The following RTN4RL1 variants were observed in gnomAD, a reference collection of about 807,000 sequenced individuals.
RTN4RL1 encodes reticulon-4 receptor-like 1.
In RTN4RL1, 7 loss-of-function variants were observed where a neutral mutation model predicts 25.6. That is an observed-to-expected ratio of 0.27 (90% CI 0.16 to 0.51). The LOEUF (loss-of-function observed/expected upper bound fraction) is 0.51. RTN4RL1 is among the 20% of genes least tolerant of loss of function. RTN4RL1 has a pLI of 0.97. For missense variants in RTN4RL1, 500 were observed against 615.6 expected (o/e 0.81, Z 1.99); for synonymous variants, 297 against 288.2 (o/e 1.03, Z -0.31).
intron 1 of RTN4RL1, among the ~76,000 whole-genome samples, chr17:1,988,690 T>A (rs2066897587): frequency 6.6e-6 from 1 of 152,106 alleles, no homozygotes; most frequent in Non-Finnish European, 1.5e-5. Context: ...GGATGCTGGA[T>A]GCTGTAGGCA....
chr17:2,024,717 G>A lies in RTN4RL1; in HGVS notation c.13+136C>T. ...GAGCCCCAGCAGCAGCCCCTCGGCG[G>A]GTGCGCCCGGCAAAACCCACCAGCC... On this transcript the variant is annotated intron_variant, in intron 1 of 1. Coordinates refer to ENST00000331238, the MANE Select transcript of RTN4RL1 (RefSeq NM_178568.4). The A allele has an allele frequency of 3.9e-6, 3 of 773,354 alleles. No individual in the cohort carries two copies. The South Asian group carries it at 5.7e-5, about 15-fold the overall frequency. 47.9% of individuals were successfully genotyped at this position (773,354 alleles called of 1,614,324 possible).
intron 1 of RTN4RL1, among the ~76,000 whole-genome samples, chr17:1,979,907 C>G (rs994767882): frequency 3.3e-5 from 5 of 152,180 alleles, no homozygotes; most frequent in African/African-American, 1.2e-4. Context: ...AATCTCTGTT[C>G]TTCAGGCAAA....
intron 1 of RTN4RL1, chr17:2,020,247 A>G (rs1016849613): frequency 2.0e-5 from 3 of 152,156 alleles, no homozygotes; most frequent in African/African-American, 7.2e-5. Context: ...GGGTTCTTCT[A>G]TCTCCCCTCT....
intron 1 of RTN4RL1, among the ~76,000 whole-genome samples, chr17:1,954,723 A>G (rs747637694): frequency 3.9e-5 from 6 of 152,106 alleles, no homozygotes; most frequent in Non-Finnish European, 8.8e-5. Context: ...CCAGAGGCGC[A>G]GCACTGCTGC....
intron 1 of RTN4RL1, among the ~76,000 whole-genome samples, chr17:1,976,988 G>A (rs2066845169): frequency 6.6e-6 from 1 of 152,126 alleles, no homozygotes; most frequent in South Asian, 2.1e-4. Flanking sequence ...TGCTTATTTT[G>A]TTACCATTGT....
rs111452904 is a variant in RTN4RL1 at position 1,938,913 on chromosome 17, G to C, written c.14-1105C>G. ...TAAAAACACAAAAATTAGCCGGGTG[G>C]CTACTCAGGAGGCTCAGTAGTACTC... On this transcript the variant is annotated intron_variant, in intron 1 of 1. Transcript: ENST00000331238. 2.0e-5 allele frequency among the ~76,000 whole-genome samples: 3 copies of C among 151,780 alleles called. 1 individual carries two copies. Among genetic ancestry groups the C allele is most frequent in the Admixed American group, 6.6e-5 (1 of 15,218 alleles).
chr17:1,975,810 A>G (rs1173364275), intron 1 of RTN4RL1, among the ~76,000 whole-genome samples: 1 of 152,178 alleles, frequency 6.6e-6, no homozygotes, highest in East Asian at 1.9e-4. Context: ...ATTCTGACAC[A>G]GTTTCTTTCA....
intron 1 of RTN4RL1, among the ~76,000 whole-genome samples, chr17:1,959,861 C>T (rs996221169): frequency 6.6e-6 from 1 of 152,204 alleles, no homozygotes; most frequent in African/African-American, 2.4e-5. Flanking sequence ...CCGCGCCCAG[C>T]CAGGCTCAGG....
At chr17:2,017,544 G>A (rs371129838) in intron 1 of RTN4RL1, among the ~76,000 whole-genome samples, 41 of 152,350 alleles carry the variant, frequency 2.7e-4, no homozygotes, top group African/African-American at 7.5e-4. Flanking sequence ...CCACGGCACC[G>A]AGCCCTGCCA....
chr17:1,960,426 G>A (rs1425387493), intron 1 of RTN4RL1, among the ~76,000 whole-genome samples: 1 of 151,956 alleles, frequency 6.6e-6, no homozygotes, highest in Non-Finnish European at 1.5e-5. Flanking sequence ...TCGCCCTCGT[G>A]AGCGGCCCCA....
chr17:1,996,636 T>C (rs2066930476), intron 1 of RTN4RL1, among the ~76,000 whole-genome samples: 2 of 152,188 alleles, frequency 1.3e-5, no homozygotes, highest in Non-Finnish European at 2.9e-5. Flanking sequence ...TGCTGTTTTC[T>C]CCAATGAAAT....
At chr17:1,997,545 G>C (rs1348766325) in intron 1 of RTN4RL1, among the ~76,000 whole-genome samples, 2 of 152,246 alleles carry the variant, frequency 1.3e-5, no homozygotes, top group Non-Finnish European at 2.9e-5. Context: ...CTGGCCCATA[G>C]TAGGTGCTCA....
chr17:2,011,513 G>T (rs954468379), intron 1 of RTN4RL1, among the ~76,000 whole-genome samples: 2 of 152,170 alleles, frequency 1.3e-5, no homozygotes, highest in African/African-American at 4.8e-5. Context: ...GCAAGGGGTG[G>T]GTCCATGGCT....
chr17:1,991,749 G>A (rs951410425), intron 1 of RTN4RL1, among the ~76,000 whole-genome samples: 5 of 152,150 alleles, frequency 3.3e-5, no homozygotes, highest in African/African-American at 1.2e-4. Flanking sequence ...AAATCCCATC[G>A]CACGGGGGTG....
intron 1 of RTN4RL1, among the ~76,000 whole-genome samples, chr17:1,967,443 T>C (rs929364605): frequency 2.0e-5 from 3 of 151,860 alleles, no homozygotes; most frequent in African/African-American, 7.3e-5. Context: ...GCCTCTCCCC[T>C]TGAACCACAA....
At chr17:1,992,358 C>CAAAAAAAA (rs1021180493) in intron 1 of RTN4RL1, among the ~76,000 whole-genome samples, 3 of 53,288 alleles carry the variant, frequency 5.6e-5, no homozygotes, top group East Asian at 5.4e-4. Context: ...GACTCTGTCT[C>CAAAAAAAA]AAAAAAAAAA....
At chr17:2,017,952 T>C (rs2067148325) in intron 1 of RTN4RL1, 1 of 152,384 alleles carries the variant, frequency 6.6e-6, no homozygotes, top group Non-Finnish European at 1.5e-5. Context: ...TCATCTTCTT[T>C]CTTTTCCTAA....
intron 1 of RTN4RL1, among the ~76,000 whole-genome samples, chr17:2,002,437 C>T (rs1260873839): frequency 4.7e-5 from 7 of 150,344 alleles, no homozygotes; most frequent in Admixed American, 1.3e-4. Context: ...GGACTACAGG[C>T]GCCCGCCACC....
intron 1 of RTN4RL1, among the ~76,000 whole-genome samples, chr17:1,989,926 G>A (rs923864406): frequency 6.6e-6 from 1 of 151,694 alleles, no homozygotes; most frequent in African/African-American, 2.4e-5. Context: ...TTCGAGACCA[G>A]CCCGGGCAAG....
Sources: gnomAD v4.1 joint callset for allele counts (sites outside exome capture counted in the v4.1 genomes callset) on GRCh38, gnomAD v4.1.1 for gene constraint, MANE v1.5 for transcripts, NCBI Gene and HGNC (gene_info 2026-07-23, HGNC 2026-07-21) for gene names.